Variants in LGALS8 observed in about 807,000 individuals in gnomAD.
LGALS8 encodes galectin-8.
LGALS8 carries 30 observed loss-of-function variants against 35.9 expected under a neutral mutation model. The observed-to-expected ratio is 0.83, with a 90% CI of 0.62 to 1.13. The LOEUF is 1.13. Ranked by LOEUF, LGALS8 falls within the 50% of genes most tolerant of loss-of-function variation. The pLI is 0.00. For missense variants in LGALS8, 366 were observed against 388.7 expected (o/e 0.94, Z 0.49); for synonymous variants, 138 against 136.1 (o/e 1.01, Z -0.10).
At chr1:236,541,467 T>A (rs147750023) in intron 5 of LGALS8, 187 bp from the exon 6 acceptor site, 26 of 478,732 alleles carry the variant, frequency 5.4e-5, no homozygotes, top group Middle Eastern at 5.6e-4. Flanking sequence ...ACATTACATC[T>A]TATTCTCTGT....
chr1:236,537,486 T>G lies in LGALS8; in HGVS notation c.46-11T>G, dbSNP rs755355264. 1.3e-6 allele frequency: 2 copies of G among 1,542,536 alleles called. No individual in the cohort carries two copies. The highest frequency in any genetic ancestry group is 2.2e-5 in the South Asian group (2 of 89,948). ...TATGTAAACGTACATTTGTTAAATT[T>G]TTTTTCTTAGGTAATCCCGTTTGTT... On this transcript the variant is annotated splice_polypyrimidine_tract_variant and intron_variant, in intron 2 of 9. Coordinates refer to ENST00000366584, the MANE Select transcript of LGALS8 (RefSeq NM_201544.4).
rs367896657 is a variant in LGALS8 at position 236,532,220 on chromosome 1, C to T, written c.46-5277C>T. On this transcript the variant is annotated intron_variant, in intron 2 of 9. Transcript: ENST00000366584. ...GTTGGTGGGTGCCCTTCCCAAATCCCAAGTTCCCAGACACCAGCCAGGGGC... is the reference window on the plus strand; with the variant it reads ...GTTGGTGGGTGCCCTTCCCAAATCCTAAGTTCCCAGACACCAGCCAGGGGC... Among the ~76,000 whole-genome samples the T allele has an allele frequency of 2.6e-5, 4 of 152,190 alleles. No individual in the cohort carries two copies. In the East Asian group the frequency reaches 7.7e-4, roughly 29 times the overall value.
chr1:236,524,278 T>C (rs1183653740), intron 1 of LGALS8: 6 of 455,922 alleles, frequency 1.3e-5, no homozygotes, highest in Non-Finnish European at 1.8e-5. Flanking sequence ...GGCGAGGCGC[T>C]CCGGGGCATA....
chr1:236,530,171 T>G lies in LGALS8; in HGVS notation c.45+4056T>G, dbSNP rs530839020. On this transcript the variant is annotated intron_variant, in intron 2 of 9. Coordinates refer to ENST00000366584, the MANE Select transcript of LGALS8 (RefSeq NM_201544.4). ...AACAGAATTGGTTGTTACTCCAAGT[T>G]AATAAGTTGCTTGTCAACATAAATC... Among the ~76,000 whole-genome samples the G allele has an allele frequency of 3.9e-5, 6 of 152,370 alleles. No individual in the cohort carries two copies. In the South Asian group the frequency reaches 1.0e-3, roughly 26 times the overall value.
chr1:236,542,658 CCCAGGCTCCGG>C, intron 6 of LGALS8, 92 bp from the exon 7 acceptor site: 4 of 1,233,842 alleles, frequency 3.2e-6, no homozygotes, highest in Non-Finnish European at 4.8e-6. Flanking sequence ...GCAGGAACAT[CCCAGGCTCCGG>C]CCAGGCTCAG....
intron 5 of LGALS8, 200 bp from the exon 6 acceptor site, chr1:236,541,454 C>T (rs2799412): frequency 0.71 from 316,270 of 443,932 alleles, 113,617 homozygotes; most frequent in Non-Finnish European, 0.73. Context: ...CACCTTCTTG[C>T]TGACATTACA....
Position 236,551,981 on chromosome 1 carries a change from G to A in LGALS8, c.*3820G>A. ...TATTCCTTAATTGTTTAATGGTTGG[G>A]AATAGTTTGGGAATTACCTTCCATC... On this transcript the variant is annotated 3_prime_UTR_variant, in exon 10 of 10. Coordinates refer to ENST00000366584, the MANE Select transcript of LGALS8 (RefSeq NM_201544.4). 6.9e-7 allele frequency: 1 copy of A among 1,449,024 alleles called. No homozygotes were observed. The highest frequency in any genetic ancestry group is 9.7e-7 in the Non-Finnish European group (1 of 1,032,060). 89.8% of individuals were successfully genotyped at this position (1,449,024 alleles called of 1,614,324 possible).
intron 5 of LGALS8, 193 bp from the exon 6 acceptor site, chr1:236,541,461 T>G (rs1479788991): frequency 2.2e-6 from 1 of 458,478 alleles, no homozygotes. Context: ...TTGCTGACAT[T>G]ACATCTTATT....
chr1:236,540,571 T>A lies in LGALS8; in HGVS notation c.353T>A (p.Val118Glu). ...MVLKDKFQVAVNGKHTLLYGH... is the reference protein window; with the variant it reads ...MVLKDKFQVAENGKHTLLYGH... ...TCTTCTGTATCTCTCTAGGTGGCTG[T>A]AAATGGAAAACATACTCTGCTCTAT... The change falls in exon 5 of 10, where the codon GTA (valine) becomes GAA (glutamate). Residue 118 changes from valine (V) to glutamate (E), a missense_variant. Physicochemically the swap from Val to Glu is moderately radical, Grantham distance 121 (BLOSUM62 -2). Transcript: ENST00000366584. 6.2e-7 allele frequency: 1 copy of A among 1,602,712 alleles called. No individual in the cohort carries two copies. The highest frequency in any genetic ancestry group is 8.5e-7 in the Non-Finnish European group (1 of 1,175,034).
At chr1:236,543,391 G>A (rs1180485751) in intron 7 of LGALS8, 169 bp from the exon 8 acceptor site, 5 of 709,646 alleles carry the variant, frequency 7.0e-6, no homozygotes, top group East Asian at 2.7e-5. Flanking sequence ...TCGAGCCAGG[G>A]ACAGTGCTGC....
At chr1:236,520,889 C>T (rs1660530805), upstream of LGALS8, among the ~76,000 whole-genome samples, 1 of 152,194 alleles carries the variant, frequency 6.6e-6, no homozygotes, top group Admixed American at 6.5e-5. Context: ...GACTTTGCAG[C>T]AGCTGCTCGC....
In LGALS8 at chr1:236,551,750, G is replaced by A. The variant is rs906749775; in HGVS notation, c.*3589G>A. 7.7e-6 allele frequency: 3 copies of A among 388,392 alleles called. No homozygotes were observed. The highest frequency in any genetic ancestry group is 4.4e-5 in the Admixed American group (1 of 22,986). The allele number at this position is 388,392 out of a possible 1,614,324, so 24.1% of individuals were successfully genotyped here. On this transcript the variant is annotated 3_prime_UTR_variant, in exon 10 of 10. Transcript: ENST00000366584. ...ACAAACCACCACAAAAGAAAAGATC[G>A]TGAAGATTACACTGTAAACGGACTC... is the stretch of plus-strand genomic sequence containing the variant.
At chr1:236,528,546 A>ATT (rs61261486) in intron 2 of LGALS8, among the ~76,000 whole-genome samples, 49,081 of 103,362 alleles carry the variant, frequency 0.47, 12,830 homozygotes, top group Non-Finnish European at 0.59. Flanking sequence ...AATGTTTCCA[A>ATT]TTTTTTTTTT....
At chr1:236,538,216 A>G (rs540154260) in intron 3 of LGALS8, among the ~76,000 whole-genome samples, 4 of 152,284 alleles carry the variant, frequency 2.6e-5, no homozygotes, top group South Asian at 4.1e-4. Context: ...AGATGGTTTT[A>G]CTGAATACCT....
intron 7 of LGALS8, chr1:236,543,031 T>C (rs778114033): frequency 1.9e-6 from 3 of 1,614,042 alleles, no homozygotes; most frequent in Non-Finnish European, 2.5e-6. Context: ...CTATGAACTA[T>C]GTGTCAAAGG....
At chr1:236,545,702 T>TAA (rs1295642651) in intron 9 of LGALS8, among the ~76,000 whole-genome samples, 2 of 152,240 alleles carry the variant, frequency 1.3e-5, no homozygotes, top group African/African-American at 4.8e-5. Context: ...TATTTATCCC[T>TAA]AAGTTCCAGT....
At chr1:236,520,765 A>C (rs974010977), upstream of LGALS8, among the ~76,000 whole-genome samples, 5 of 152,096 alleles carry the variant, frequency 3.3e-5, no homozygotes, top group Admixed American at 6.6e-5. Flanking sequence ...CTACTCTCCT[A>C]GGTGGTGCCA....
At position 236,543,582 on chromosome 1, in the gene LGALS8, T is replaced by A. The variant is rs1662161317; in HGVS notation, c.572T>A (p.Leu191Ter). 3 of 1,613,968 alleles carry A rather than the reference T, an allele frequency of 1.9e-6. No homozygotes were observed. In the African/African-American group the frequency reaches 4.0e-5, roughly 22 times the overall value. Reference sequence around the variant, plus strand: ...CAGAGGCTGCCATTCGCTGCAAGGTTGAACACCCCCATGGGCCCTGGACGA... The same window carrying A: ...CAGAGGCTGCCATTCGCTGCAAGGTAGAACACCCCCATGGGCCCTGGACGA... ...PQLRLPFAAR[L>*]NTPMGPGRTV... The change falls in exon 8 of 10, where the codon TTG (leucine) becomes TAG (stop). Residue 191 changes from leucine (L) to a stop codon, truncating the protein, a stop_gained. Coordinates refer to ENST00000366584, the MANE Select transcript of LGALS8 (RefSeq NM_201544.4). LOFTEE classifies it high-confidence loss of function.
chr1:236,521,159 T>G (rs111341376), upstream of LGALS8, among the ~76,000 whole-genome samples: 24 of 152,282 alleles, frequency 1.6e-4, no homozygotes, highest in African/African-American at 5.8e-4. Context: ...TGAAGTAACA[T>G]AAAATAAAAA....
Sources: gnomAD v4.1 joint callset for allele counts (sites outside exome capture counted in the v4.1 genomes callset) on GRCh38, gnomAD v4.1.1 for gene constraint, MANE v1.5 for transcripts, NCBI Gene and HGNC (gene_info 2026-07-23, HGNC 2026-07-21) for gene names.